The following PTPN14 variants were observed in gnomAD, a reference collection of about 807,000 sequenced individuals.
The protein encoded by PTPN14 is tyrosine-protein phosphatase non-receptor type 14.
In PTPN14, 53 loss-of-function variants were observed where a neutral mutation model predicts 126.8. The ratio of observed to expected loss-of-function variants is 0.42; its 90% CI spans 0.34 to 0.53. The LOEUF (loss-of-function observed/expected upper bound fraction) is 0.53, where lower values mean the gene tolerates loss of function less well. Among genes scored for constraint, PTPN14 ranks in the 20% least tolerant of loss-of-function variants. The probability of loss-of-function intolerance (pLI) is 0.08; values close to 1 mark genes in which losing one functional copy is unlikely to be tolerated. For missense variants in PTPN14, 1,257 were observed against 1,552.9 expected (o/e 0.81, Z 3.20); for synonymous variants, 630 against 599.3 (o/e 1.05, Z -0.75).
chr1:214,480,370 A>C (rs569150913), intron 1 of PTPN14, among the ~76,000 whole-genome samples: 1 of 152,334 alleles, frequency 6.6e-6, no homozygotes, highest in South Asian at 2.1e-4. Flanking sequence ...AGTCAAAAGA[A>C]CCAAGTTCTT....
At chr1:214,433,823 T>C (rs990096672) in intron 3 of PTPN14, among the ~76,000 whole-genome samples, 7 of 151,752 alleles carry the variant, frequency 4.6e-5, no homozygotes, top group African/African-American at 1.7e-4. Context: ...GCGTGGTAGC[T>C]CATGCCTGTA....
intron 1 of PTPN14, among the ~76,000 whole-genome samples, chr1:214,503,193 T>C (rs984365265): frequency 6.6e-6 from 1 of 152,214 alleles, no homozygotes; most frequent in Non-Finnish European, 1.5e-5. Flanking sequence ...GCAAACACTA[T>C]ACAGTATTTA....
At chr1:214,413,448 G>A (rs1486136761) in intron 4 of PTPN14, among the ~76,000 whole-genome samples, 1 of 152,162 alleles carries the variant, frequency 6.6e-6, no homozygotes, top group Admixed American at 6.5e-5. Context: ...TCAGGAGAAG[G>A]GCTGCCTCTT....
At chr1:214,465,951 C>CTTTTTTTTTCTTTTTTTTTTTTT (rs1660625726) in intron 1 of PTPN14, among the ~76,000 whole-genome samples, 1 of 59,022 alleles carries the variant, frequency 1.7e-5, no homozygotes, top group East Asian at 5.0e-4. Flanking sequence ...CAGTTACTTC[C>CTTTTTTTTTCTTTTTTTTTTTTT]TTTTTTTTTT....
At chr1:214,501,097 G>A (rs1372713566) in intron 1 of PTPN14, among the ~76,000 whole-genome samples, 2 of 152,200 alleles carry the variant, frequency 1.3e-5, no homozygotes, top group Non-Finnish European at 2.9e-5. Flanking sequence ...AAGGAATAAT[G>A]TGATAAATAG....
intron 1 of PTPN14, among the ~76,000 whole-genome samples, chr1:214,510,095 T>C (rs1654936450): frequency 6.6e-6 from 1 of 152,150 alleles, no homozygotes; most frequent in Admixed American, 6.5e-5. Context: ...AATTTCAATA[T>C]TGTTGTGTCT....
rs777129809 is a variant in PTPN14, at chr1:214,383,913, T to C, written c.1942A>G (p.Ser648Gly). ...NKRHSLEVMNSMVRGMEAMTL... is the reference protein window; with the variant it reads ...NKRHSLEVMNGMVRGMEAMTL... ...ATGGCCTCCATGCCCCGCACCATGC[T>C]GTTCATCACCTCCAGGCTGTGGCGC... is the stretch of plus-strand genomic sequence containing the variant. The change falls in exon 13 of 19, where the codon AGC (serine) becomes GGC (glycine). Residue 648 changes from serine (S) to glycine (G), a missense_variant. Ser to Gly is a moderately conservative substitution (Grantham distance 56). This residue lies in a region of PTPN14 where 1,021 missense variants were observed against 1,183.3 expected (regional missense o/e 0.86). Transcript: ENST00000366956. This position sits in a 1 kb window ranked among gnomAD's most constrained non-coding sequence, Gnocchi z 4.4. The C allele has an allele frequency of 6.2e-7, 1 of 1,613,504 alleles. No homozygotes were observed. Among genetic ancestry groups the C allele is most frequent in the Admixed American group, 1.7e-5 (1 of 60,036 alleles).
chr1:214,528,761 T>C (rs1022382517), intron 1 of PTPN14: 5 of 152,028 alleles, frequency 3.3e-5, no homozygotes, highest in African/African-American at 1.2e-4. Flanking sequence ...TGAAACTCCA[T>C]CTCTACTAAA....
chr1:214,411,543 T>C, intron 5 of PTPN14, 141 bp downstream of exon 5: 1 of 542,858 alleles, frequency 1.8e-6, no homozygotes, highest in Non-Finnish European at 3.2e-6. Context: ...GTGTGTTTTA[T>C]AAAACTTGCC....
intron 3 of PTPN14, among the ~76,000 whole-genome samples, chr1:214,416,575 C>A (rs1015126910): frequency 1.3e-5 from 2 of 152,072 alleles, no homozygotes; most frequent in Admixed American, 1.3e-4. Flanking sequence ...AGGAACATTC[C>A]TAATCATGTA....
At chr1:214,479,327 G>A (rs960733048) in intron 1 of PTPN14, among the ~76,000 whole-genome samples, 47 of 151,048 alleles carry the variant, frequency 3.1e-4, no homozygotes, top group African/African-American at 1.0e-3. Flanking sequence ...TGGGGCAACA[G>A]AGCAAAACCC....
Position 214,391,591 on chromosome 1 carries a change from G to T in PTPN14, c.930-546C>A, listed in dbSNP as rs1182825981. ...GAAGCAACATATTTTTAAATGTAGAGATTAAAAAATGAATTGGAAGTATTA... is the reference window on the plus strand; with the variant it reads ...GAAGCAACATATTTTTAAATGTAGATATTAAAAAATGAATTGGAAGTATTA... On this transcript the variant is annotated intron_variant, in intron 10 of 18. Transcript: ENST00000366956. Among the ~76,000 whole-genome samples, 7 of 151,138 alleles carry T rather than the reference G, an allele frequency of 4.6e-5. No individual in the cohort carries two copies. In the South Asian group the frequency reaches 1.5e-3, roughly 32 times the overall value.
At chr1:214,456,261 C>G (rs1660379856) in intron 2 of PTPN14, among the ~76,000 whole-genome samples, 1 of 152,158 alleles carries the variant, frequency 6.6e-6, no homozygotes, top group Non-Finnish European at 1.5e-5. Context: ...AATAGGTTGC[C>G]TATCTTACCC....
In PTPN14 at chr1:214,358,047, C is replaced by T. The variant is rs751440587; in HGVS notation, c.3439G>A (p.Val1147Met). 5.6e-6 allele frequency: 9 copies of T among 1,612,950 alleles called. No individual in the cohort carries two copies. Among genetic ancestry groups the T allele is most frequent in the African/African-American group, 1.3e-5 (1 of 74,892 alleles). ...AGCCTCAGCATCATGGGCACTTCCA[C>T]CTTCTGCAAGAAAAGAGAGAAAGCA... ...MIYCLEHNEKVEVPMMLRLLR... is the reference protein window; with the variant it reads ...MIYCLEHNEKMEVPMMLRLLR... The change falls in exon 19 of 19, where the codon GTG (valine) becomes ATG (methionine). Residue 1147 changes from valine to methionine, a missense_variant. By Grantham distance (21) the Val-to-Met change is conservative (BLOSUM62 1). This residue lies in a region of PTPN14 where 171 missense variants were observed against 229.8 expected (regional missense o/e 0.74). Transcript: ENST00000366956.
intron 3 of PTPN14, among the ~76,000 whole-genome samples, chr1:214,427,147 G>A (rs182275309): frequency 7.2e-5 from 11 of 151,854 alleles, no homozygotes; most frequent in Admixed American, 5.9e-4. Flanking sequence ...GGCATGGTGT[G>A]CATGCCTATA....
intron 1 of PTPN14, among the ~76,000 whole-genome samples, chr1:214,487,240 AAAG>A (rs1661134382): frequency 6.8e-6 from 1 of 147,642 alleles, no homozygotes; most frequent in East Asian, 1.9e-4. Flanking sequence ...AATTAAAGTG[AAAG>A]ACAGGAATTA....
chr1:214,370,280 CAA>C (rs561271706), intron 16 of PTPN14, among the ~76,000 whole-genome samples: 9 of 97,416 alleles, frequency 9.2e-5, no homozygotes, highest in Non-Finnish European at 8.1e-5. Flanking sequence ...GATTCCATCT[CAA>C]AAAAAAAAAA....
At chr1:214,422,183 C>T (rs2102594991) in intron 3 of PTPN14, among the ~76,000 whole-genome samples, 1 of 152,312 alleles carries the variant, frequency 6.6e-6, no homozygotes, top group Non-Finnish European at 1.5e-5. Context: ...CATCACACAT[C>T]AAGCAGGAAG....
intron 4 of PTPN14, among the ~76,000 whole-genome samples, chr1:214,413,168 C>T (rs1431062598): frequency 6.6e-6 from 1 of 152,232 alleles, no homozygotes; most frequent in Non-Finnish European, 1.5e-5. Context: ...TAAGCCACCA[C>T]ACCCAGCCCA....
Sources: gnomAD v4.1 joint callset for allele counts (sites outside exome capture counted in the v4.1 genomes callset) on GRCh38, gnomAD v4.1.1 for gene constraint, gnomAD v4.1.1 regional missense constraint, Gnocchi (gnomAD v3.1) non-coding constraint, MANE v1.5 for transcripts, NCBI Gene and HGNC (gene_info 2026-07-23, HGNC 2026-07-21) for gene names.